The following SETD7 variants were observed in gnomAD, a reference collection of about 807,000 sequenced individuals.
SETD7 encodes histone-lysine N-methyltransferase SETD7.
SETD7 carries 16 observed loss-of-function variants against 41.8 expected under a neutral mutation model. The ratio of observed to expected loss-of-function variants is 0.38; its 90% confidence interval spans 0.26 to 0.58. The LOEUF is 0.58. Ranked by LOEUF, SETD7 falls within the 20% of genes least tolerant of loss-of-function variation. SETD7 has a pLI of 0.64. For synonymous variants in SETD7, 163 were observed against 169.7 expected, an observed-to-expected ratio of 0.96 and a Z score of 0.31; for missense variants, 346 against 459.7, an observed-to-expected ratio of 0.75 and a Z score of 2.26.
chr4:139,518,952 C>T (rs1239469001), intron 6 of SETD7, among the ~76,000 whole-genome samples: 3 of 152,206 alleles, frequency 2.0e-5, no homozygotes, highest in Admixed American at 1.3e-4. Flanking sequence ...AAACTGTTGA[C>T]TCTCAAGGTA....
At chr4:139,536,307 C>T (rs1376130532) in intron 2 of SETD7, among the ~76,000 whole-genome samples, 4 of 151,726 alleles carry the variant, frequency 2.6e-5, no homozygotes, top group East Asian at 3.9e-4. Context: ...TAAGGCCAGC[C>T]GGGGGAAAAA....
chr4:139,511,969 A>C, intron 7 of SETD7, 126 bp from the exon 8 acceptor site: 1 of 1,438,018 alleles, frequency 7.0e-7, no homozygotes. Flanking sequence ...GTATGTGCCC[A>C]AAGTGTGGTC....
At chr4:139,536,442 T>G (rs543504434) in intron 2 of SETD7, among the ~76,000 whole-genome samples, 23 of 152,362 alleles carry the variant, frequency 1.5e-4, no homozygotes, top group African/African-American at 5.5e-4. Flanking sequence ...ATGGGTGCAG[T>G]GGCTCATGAC....
Position 139,511,480 on chromosome 4 carries a change from T to C in SETD7, c.*183A>G. 2.7e-6 allele frequency: 3 copies of C among 1,108,824 alleles called. No individual in the cohort carries two copies. The highest frequency in any genetic ancestry group is 3.8e-6 in the Non-Finnish European group (3 of 792,800). 68.7% of individuals were successfully genotyped at this position (1,108,824 alleles called of 1,614,324 possible). ...AGGACGTTGTTGCAAGGCTAGCTAA[T>C]TTTAAATCTGGTATGAGTAATACAG... On this transcript the variant is annotated 3_prime_UTR_variant, in exon 8 of 8. Transcript: ENST00000274031.
At chr4:139,537,257 G>C (rs998780903) in intron 2 of SETD7, among the ~76,000 whole-genome samples, 1 of 152,152 alleles carries the variant, frequency 6.6e-6, no homozygotes, top group Non-Finnish European at 1.5e-5. Flanking sequence ...TTACAGGTGT[G>C]AGCCACCGCG....
chr4:139,499,839 T>C (rs561910374), intron 7 of SETD7, among the ~76,000 whole-genome samples: 3 of 152,296 alleles, frequency 2.0e-5, no homozygotes, highest in Admixed American at 2.0e-4. Context: ...ACCCACTGGG[T>C]TCTGACAACC....
At chr4:139,525,698 G>C (rs796906996) in intron 4 of SETD7, among the ~76,000 whole-genome samples, 7 of 152,292 alleles carry the variant, frequency 4.6e-5, no homozygotes, top group African/African-American at 1.7e-4. Context: ...TTTTATGTGA[G>C]ATATTTGCAT....
At chr4:139,533,870 T>C (rs1000417464) in intron 2 of SETD7, among the ~76,000 whole-genome samples, 1 of 152,222 alleles carries the variant, frequency 6.6e-6, no homozygotes, top group African/African-American at 2.4e-5. Flanking sequence ...AATGTATTAT[T>C]TATCATTAAT....
At chr4:139,543,798 C>CAAAAAAAAA (rs1182628309) in intron 2 of SETD7, among the ~76,000 whole-genome samples, 1 of 119,960 alleles carries the variant, frequency 8.3e-6, no homozygotes, top group Non-Finnish European at 1.8e-5. Context: ...TAAAAAAATA[C>CAAAAAAAAA]AAAAAAAAAA....
At chr4:139,500,145 G>A (rs1018733875) in intron 7 of SETD7, among the ~76,000 whole-genome samples, 3 of 152,144 alleles carry the variant, frequency 2.0e-5, no homozygotes, top group African/African-American at 7.2e-5. Flanking sequence ...TTTGAGAGCG[G>A]CATTTGTCTC....
In SETD7 at chr4:139,526,314, G is replaced by A. The variant is rs574654665; in HGVS notation, c.562+2717C>T. On this transcript the variant is annotated intron_variant, in intron 4 of 7. Transcript: ENST00000274031. ...TTAAAGACAGGGTCTCACTCCTGTC[G>A]CCCAGACTGGAGTGCAGTGCACTCA... 1.4e-4 allele frequency among the ~76,000 whole-genome samples: 20 copies of A among 147,276 alleles called. No individual in the cohort carries two copies. In the South Asian group the frequency reaches 1.5e-3, roughly 11 times the overall value.
At chr4:139,527,015 ATTTTGAG>A (rs1188802130) in intron 4 of SETD7, among the ~76,000 whole-genome samples, 6 of 152,238 alleles carry the variant, frequency 3.9e-5, no homozygotes, top group Non-Finnish European at 7.3e-5. Context: ...AAGGGGATAC[ATTTTGAG>A]AAATGTGTCA....
intron 2 of SETD7, among the ~76,000 whole-genome samples, chr4:139,543,771 T>G (rs1727844381): frequency 3.0e-5 from 4 of 134,330 alleles, no homozygotes; most frequent in Admixed American, 1.6e-4. Flanking sequence ...GCTAACAAGG[T>G]GAAACCCCGT....
intron 7 of SETD7, among the ~76,000 whole-genome samples, chr4:139,497,645 A>G (rs1330934191): frequency 6.7e-6 from 1 of 148,898 alleles, no homozygotes; most frequent in Non-Finnish European, 1.5e-5. Context: ...GCTGGAGTGC[A>G]GTTGCGCAAT....
At chr4:139,498,997 G>A (rs544496001) in intron 7 of SETD7, among the ~76,000 whole-genome samples, 33 of 152,264 alleles carry the variant, frequency 2.2e-4, no homozygotes, top group African/African-American at 6.7e-4. Context: ...AGGAGGCAGG[G>A]GTTGCAGTGA....
rs1726845830 is a variant in SETD7 at position 139,510,701 on chromosome 4, C to CA, written c.*961dup. On this transcript the variant is annotated 3_prime_UTR_variant, in exon 8 of 8. Coordinates refer to ENST00000274031, the MANE Select transcript of SETD7 (RefSeq NM_030648.4). Reference sequence around the variant, plus strand: ...CTTTTGAATTCAATGCACTGTGCCACAAGCCTGACCGCGCTATGTTATGTA... The same window carrying CA: ...CTTTTGAATTCAATGCACTGTGCCACAAAGCCTGACCGCGCTATGTTATGTA... 2.6e-5 allele frequency: 4 copies of CA among 152,412 alleles called. No individual in the cohort carries two copies. In the South Asian group the frequency reaches 8.3e-4, roughly 32 times the overall value. 9.4% of individuals were successfully genotyped at this position (152,412 alleles called of 1,614,324 possible). A position where few individuals can be genotyped will look rare whatever the true frequency, so the allele number is the denominator to read the frequency against.
intron 1 of SETD7, among the ~76,000 whole-genome samples, chr4:139,550,728 T>C (rs1466388128): frequency 6.6e-6 from 1 of 152,202 alleles, no homozygotes; most frequent in East Asian, 1.9e-4. Flanking sequence ...GTCATGTCAG[T>C]AAGTCAATTT....
chr4:139,520,663 T>C (rs1727154632), intron 5 of SETD7, among the ~76,000 whole-genome samples: 1 of 152,226 alleles, frequency 6.6e-6, no homozygotes, highest in Non-Finnish European at 1.5e-5. Context: ...GCTCAGTGCT[T>C]GATATGAGGT....
intron 2 of SETD7, among the ~76,000 whole-genome samples, chr4:139,542,747 T>C (rs543830827): frequency 3.3e-5 from 5 of 152,228 alleles, no homozygotes; most frequent in Non-Finnish European, 7.3e-5. Flanking sequence ...TAAAATAAAA[T>C]ATTCTGCTTC....
Sources: gnomAD v4.1 joint callset for allele counts (sites outside exome capture counted in the v4.1 genomes callset) on GRCh38, gnomAD v4.1.1 for gene constraint, MANE v1.5 for transcripts, NCBI Gene and HGNC (gene_info 2026-07-23, HGNC 2026-07-21) for gene names.